The following FSHR variants were observed in gnomAD, a reference collection of about 807,000 sequenced individuals.
FSHR encodes the protein follicle-stimulating hormone receptor.
In FSHR, 46 loss-of-function variants were observed where a neutral mutation model predicts 52.1. The observed-to-expected ratio is 0.88, with a 90% CI of 0.70 to 1.13. FSHR has a LOEUF of 1.13. FSHR is among the 50% of genes most tolerant of loss of function. FSHR has a pLI of 0.00. For missense variants in FSHR, 964 were observed against 834.6 expected (o/e 1.16, Z -1.91); for synonymous variants, 399 against 309.6 (o/e 1.29, Z -3.03).
intron 1 of FSHR, among the ~76,000 whole-genome samples, chr2:49,082,728 T>C (rs1670222539): frequency 6.6e-6 from 1 of 151,992 alleles, no homozygotes; most frequent in Non-Finnish European, 1.5e-5. Flanking sequence ...TGCGATCAAC[T>C]GGAAGAAAGG....
intron 1 of FSHR, among the ~76,000 whole-genome samples, chr2:49,121,177 C>T (rs1671805902): frequency 6.6e-6 from 1 of 152,160 alleles, no homozygotes; most frequent in African/African-American, 2.4e-5. Flanking sequence ...TTCTATGTGC[C>T]AGACACTGCT....
chr2:48,969,289 G>T (rs1674625274), intron 8 of FSHR, among the ~76,000 whole-genome samples: 1 of 152,216 alleles, frequency 6.6e-6, no homozygotes, highest in Non-Finnish European at 1.5e-5. Context: ...TATTTCTGAT[G>T]AGCTGGAGTA....
intron 8 of FSHR, among the ~76,000 whole-genome samples, chr2:48,977,227 G>A (rs145603310): frequency 4.2e-4 from 64 of 152,118 alleles, no homozygotes; most frequent in Middle Eastern, 6.8e-3. Context: ...ATAAATCATG[G>A]CACAGTGAGG....
In FSHR at chr2:49,098,587, G is replaced by A. The variant is rs905727637; in HGVS notation, c.153-30297C>T. On this transcript the variant is annotated intron_variant, in intron 1 of 9. Transcript: ENST00000406846. ...GTACCAGATTTTGGAGAATCTCTAT[G>A]CCAGGTTACAGAGATTTGATCTTGC... is the stretch of plus-strand genomic sequence containing the variant. Among the ~76,000 whole-genome samples, 4 of 151,786 alleles carry A rather than the reference G, an allele frequency of 2.6e-5. No individual in the cohort carries two copies. The South Asian group carries it at 8.3e-4, about 31-fold the overall frequency.
chr2:49,148,785 A>ACACAAAGAGGTAGAAATG (rs1672960026), intron 1 of FSHR, among the ~76,000 whole-genome samples: 1 of 152,044 alleles, frequency 6.6e-6, no homozygotes, highest in Non-Finnish European at 1.5e-5. Flanking sequence ...TAACGTAAAG[A>ACACAAAGAGGTAGAAATG]CACAAAGAGG....
chr2:49,028,429 G>T (rs1027496030), intron 2 of FSHR, among the ~76,000 whole-genome samples: 1 of 152,132 alleles, frequency 6.6e-6, no homozygotes, highest in African/African-American at 2.4e-5. Flanking sequence ...CCTTATCATT[G>T]CCCAGTCGTG....
intron 6 of FSHR, among the ~76,000 whole-genome samples, chr2:48,987,104 T>G (rs1390101681): frequency 6.6e-6 from 1 of 152,178 alleles, no homozygotes; most frequent in Non-Finnish European, 1.5e-5. Flanking sequence ...CAGGAATCCT[T>G]TTACTGTTGT....
chr2:49,059,542 T>TA (rs1265374077), intron 2 of FSHR: 1 of 152,604 alleles, frequency 6.6e-6, no homozygotes, highest in Non-Finnish European at 1.5e-5. Flanking sequence ...GACGGTTTCA[T>TA]AAATGATGCT....
chr2:49,139,772 T>C (rs1003959590), intron 1 of FSHR, among the ~76,000 whole-genome samples: 6 of 151,964 alleles, frequency 3.9e-5, no homozygotes, highest in Non-Finnish European at 5.9e-5. Flanking sequence ...TAACTTTTTG[T>C]ATTTTTTAGT....
At chr2:49,106,265 C>G (rs543497672) in intron 1 of FSHR, among the ~76,000 whole-genome samples, 2 of 152,180 alleles carry the variant, frequency 1.3e-5, no homozygotes, top group African/African-American at 4.8e-5. Flanking sequence ...CAAGGGCACA[C>G]TTATACCTAG....
At chr2:49,017,445 A>G in intron 4 of FSHR, 44 bp downstream of exon 4, 1 of 1,426,350 alleles carries the variant, frequency 7.0e-7, no homozygotes, top group Non-Finnish European at 9.9e-7. Context: ...ATAGGCTTGC[A>G]CTATTTAATC....
intron 1 of FSHR, among the ~76,000 whole-genome samples, chr2:49,072,591 T>A (rs116163464): frequency 6.6e-6 from 1 of 152,148 alleles, no homozygotes; most frequent in Admixed American, 6.6e-5. Context: ...GAAACATTGG[T>A]AAAATGAAAG....
At chr2:49,039,887 G>T (rs747747565) in intron 2 of FSHR, among the ~76,000 whole-genome samples, 5 of 150,030 alleles carry the variant, frequency 3.3e-5, no homozygotes, top group Non-Finnish European at 5.9e-5. Flanking sequence ...GTGGAATTAT[G>T]TAAAATTTTT....
At chr2:49,096,965 G>T (rs1228202072) in intron 1 of FSHR, among the ~76,000 whole-genome samples, 1 of 152,098 alleles carries the variant, frequency 6.6e-6, no homozygotes, top group Non-Finnish European at 1.5e-5. Context: ...GGTCTCCCCA[G>T]CCCCAGAAGC....
chr2:49,140,357 T>C (rs1419541895), intron 1 of FSHR, among the ~76,000 whole-genome samples: 3 of 151,996 alleles, frequency 2.0e-5, no homozygotes, highest in Non-Finnish European at 2.9e-5. Context: ...TGCCATGTGA[T>C]GTACAAGCTC....
intron 1 of FSHR, among the ~76,000 whole-genome samples, chr2:49,088,706 G>T (rs1029057092): frequency 1.3e-5 from 2 of 152,160 alleles, no homozygotes. Context: ...TCACATAAAG[G>T]TTGGTTTGGG....
At chr2:49,078,208 CAAG>C (rs1670025580) in intron 1 of FSHR, among the ~76,000 whole-genome samples, 1 of 152,160 alleles carries the variant, frequency 6.6e-6, no homozygotes, top group Admixed American at 6.5e-5. Context: ...TGGTGGAAAG[CAAG>C]GAGGAGCAAG....
rs548379817 is a variant in FSHR at position 49,017,943 on chromosome 2, C to T, written c.300-380G>A. Among the ~76,000 whole-genome samples the T allele has an allele frequency of 1.5e-4, 22 of 150,576 alleles. No homozygotes were observed. The South Asian group carries it at 3.8e-3, about 26-fold the overall frequency. On this transcript the variant is annotated intron_variant, in intron 3 of 9. Transcript: ENST00000406846. ...GAGGTTAGGAATGAGACTAATATGGCGAAATGAGTGTTTGTCTGGTCGGGA... is the reference window on the plus strand; with the variant it reads ...GAGGTTAGGAATGAGACTAATATGGTGAAATGAGTGTTTGTCTGGTCGGGA...
At chr2:49,099,101 A>G (rs1242241712) in intron 1 of FSHR, among the ~76,000 whole-genome samples, 4 of 151,812 alleles carry the variant, frequency 2.6e-5, no homozygotes, top group Non-Finnish European at 5.9e-5. Context: ...TGGTAGGGTG[A>G]ATTGTATTTT....
Sources: gnomAD v4.1 joint callset for allele counts (sites outside exome capture counted in the v4.1 genomes callset) on GRCh38, gnomAD v4.1.1 for gene constraint, MANE v1.5 for transcripts, NCBI Gene and HGNC (gene_info 2026-07-23, HGNC 2026-07-21) for gene names.